The following SAMM50 variants were observed in gnomAD, a reference collection of about 807,000 sequenced individuals.
SAMM50 encodes the protein SAMM50 sorting and assembly machinery component.
A neutral mutation model predicts 66.9 loss-of-function variants in SAMM50; 47 were observed. That is an observed-to-expected ratio of 0.70 (90% CI 0.56 to 0.90). SAMM50 has a LOEUF of 0.90. Among genes scored for constraint, SAMM50 ranks in the 40% least tolerant of loss-of-function variants. SAMM50 has a pLI of 0.00. For missense variants in SAMM50, 535 were observed against 595.3 expected (o/e 0.90, Z 1.05); for synonymous variants, 191 against 214.1 (o/e 0.89, Z 0.94).
At chr22:43,955,702 G>C in intron 1 of SAMM50, 104 bp downstream of exon 1, 1 of 1,307,378 alleles carries the variant, frequency 7.6e-7, no homozygotes, top group South Asian at 1.4e-5. Flanking sequence ...TTCACCGGGA[G>C]AGAGGGTGCC....
At chr22:43,976,516 G>A (rs1425581115) in intron 8 of SAMM50, among the ~76,000 whole-genome samples, 2 of 152,192 alleles carry the variant, frequency 1.3e-5, no homozygotes, top group Non-Finnish European at 2.9e-5. Context: ...CAACTCCCAC[G>A]TAGTGAGCAG....
chr22:43,956,546 A>C (rs2050120488), intron 1 of SAMM50, among the ~76,000 whole-genome samples: 1 of 152,214 alleles, frequency 6.6e-6, no homozygotes, highest in South Asian at 2.1e-4. Context: ...GTGCTCGATA[A>C]GTCAATACAC....
At chr22:43,966,512 C>T (rs1486676991) in intron 3 of SAMM50, among the ~76,000 whole-genome samples, 2 of 152,108 alleles carry the variant, frequency 1.3e-5, no homozygotes, top group African/African-American at 4.8e-5. Context: ...TGCACACCAC[C>T]ACACCCAGCT....
chr22:43,966,357 A>G (rs1434026685), intron 3 of SAMM50, among the ~76,000 whole-genome samples: 2 of 148,928 alleles, frequency 1.3e-5, no homozygotes, highest in Admixed American at 1.3e-4. Context: ...GCACAAGTCC[A>G]CTGTCTTTTT....
intron 1 of SAMM50, chr22:43,957,267 T>C: frequency 1.5e-6 from 1 of 661,254 alleles, no homozygotes; most frequent in Non-Finnish European, 2.8e-6. Flanking sequence ...ATGGCATGAT[T>C]CGTGCCAAAT....
intron 12 of SAMM50, among the ~76,000 whole-genome samples, chr22:43,984,742 C>T (rs1216395999): frequency 1.3e-5 from 2 of 152,176 alleles, no homozygotes; most frequent in African/African-American, 4.8e-5. Flanking sequence ...GATTCTCCTG[C>T]CTCAGCCCCC....
intron 10 of SAMM50, among the ~76,000 whole-genome samples, 168 bp from the exon 11 acceptor site, chr22:43,981,223 G>C (rs567413812): frequency 1.1e-4 from 16 of 152,376 alleles, no homozygotes; most frequent in African/African-American, 3.8e-4. Flanking sequence ...GCCCTTCGAA[G>C]GGTAGCTCTG....
chr22:43,976,293 T>G (rs1272284443), intron 8 of SAMM50, 110 bp downstream of exon 8: 3 of 1,340,282 alleles, frequency 2.2e-6, no homozygotes, highest in Admixed American at 4.0e-5. Context: ...GTCACCCAGA[T>G]GGGGTGTCCA....
At chr22:43,994,352 G>C (rs2050341527) in intron 14 of SAMM50, among the ~76,000 whole-genome samples, 1 of 152,126 alleles carries the variant, frequency 6.6e-6, no homozygotes, top group African/African-American at 2.4e-5. Flanking sequence ...TATATGCCAG[G>C]GTCTTTGAGC....
intron 4 of SAMM50, 140 bp downstream of exon 4, chr22:43,968,958 C>T (rs2050189425): frequency 1.6e-6 from 1 of 611,436 alleles, no homozygotes; most frequent in Admixed American, 2.7e-5. Context: ...AACAGGTAGT[C>T]CTTGAGTTAG....
chr22:43,976,019 T>C, intron 7 of SAMM50, 36 bp from the exon 8 acceptor site: 1 of 1,584,766 alleles, frequency 6.3e-7, no homozygotes, highest in Non-Finnish European at 8.6e-7. Flanking sequence ...CCTAAGTATG[T>C]GTGGTCCGGA....
At chr22:43,964,018 C>T (rs990978359) in intron 2 of SAMM50, among the ~76,000 whole-genome samples, 4 of 152,136 alleles carry the variant, frequency 2.6e-5, no homozygotes, top group African/African-American at 9.7e-5. Flanking sequence ...AGTGTTTCTC[C>T]TGCCTCAGCC....
Position 43,955,594 on chromosome 22 carries a change from C to A in SAMM50, c.17C>A (p.Ala6Asp). MGTVH[A>D]RSLEPLPSSG... The stretch of plus-strand genomic sequence containing the variant: ...GAGGGAACCATGGGGACTGTGCACG[C>A]CCGGGTAAGAGGCCCAGCGACCCGC... Residue 6 changes from alanine (A) to aspartate (D), a missense_variant, in exon 1 of 15, where the codon GCC (alanine) becomes GAC (aspartate). Physicochemically the swap from Ala to Asp is moderately radical, Grantham distance 126 (BLOSUM62 -2). Coordinates refer to ENST00000350028, the MANE Select transcript of SAMM50 (RefSeq NM_015380.5). 6.3e-7 allele frequency: 1 copy of A among 1,598,554 alleles called. No homozygotes were observed. Among genetic ancestry groups the A allele is most frequent in the Non-Finnish European group, 8.5e-7 (1 of 1,173,698 alleles).
At chr22:43,989,714 A>G (rs2073079) in intron 13 of SAMM50, among the ~76,000 whole-genome samples, 32,548 of 152,178 alleles carry the variant, frequency 0.21, 3,676 homozygotes, top group East Asian at 0.39. Context: ...TACAACAGCT[A>G]ACATAATGCC....
chr22:43,976,739 AT>A lies in SAMM50; in HGVS notation c.778-8del, dbSNP rs749825096. On this transcript the variant is annotated splice_polypyrimidine_tract_variant and intron_variant, in intron 8 of 14. Transcript: ENST00000350028. ...TTAAAGTGAAAATATCCCCATTCAAATTTCTTTCAGCACGCCATGGTCATCG... is the reference window on the plus strand; with the variant it reads ...TTAAAGTGAAAATATCCCCATTCAAATTCTTTCAGCACGCCATGGTCATCG... 1.6e-5 allele frequency: 26 copies of A among 1,604,988 alleles called. No individual in the cohort carries two copies. The highest frequency in any genetic ancestry group is 2.2e-5 in the Non-Finnish European group (26 of 1,172,966).
intron 8 of SAMM50, 87 bp from the exon 9 acceptor site, chr22:43,976,663 C>T (rs1030150004): frequency 5.0e-5 from 45 of 902,574 alleles, no homozygotes; most frequent in East Asian, 3.3e-4. Context: ...AGAGTGCTAG[C>T]GTGGTGTGGC....
intron 8 of SAMM50, 134 bp downstream of exon 8, chr22:43,976,317 C>A: frequency 2.0e-6 from 2 of 1,013,590 alleles, no homozygotes; most frequent in Non-Finnish European, 2.9e-6. Context: ...TGGCGGCCCC[C>A]ACTCCCCGAG....
intron 1 of SAMM50, among the ~76,000 whole-genome samples, 187 bp downstream of exon 1, chr22:43,955,785 C>A (rs528911105): frequency 1.3e-5 from 2 of 152,222 alleles, no homozygotes; most frequent in African/African-American, 4.8e-5. Context: ...GACCTTCGAG[C>A]AGGAACCTGA....
At chr22:43,976,911 G>A (rs2050235557) in intron 9 of SAMM50, 90 bp downstream of exon 9, 2 of 755,518 alleles carry the variant, frequency 2.6e-6, no homozygotes, top group Admixed American at 4.5e-5. Context: ...GTGGGCCTGG[G>A]GGTGGGCAGT....
Sources: allele counts gnomAD v4.1 joint callset (sites outside exome capture counted in the v4.1 genomes callset), GRCh38; gene constraint gnomAD v4.1.1; transcripts MANE v1.5; gene names NCBI Gene and HGNC (gene_info 2026-07-23, HGNC 2026-07-21).